The following RFX8 variants were observed in gnomAD, a reference collection of about 807,000 sequenced individuals.
RFX8 encodes the protein regulatory factor X8, also known as DNA-binding protein RFX8.
In RFX8, 46 loss-of-function variants were observed where a neutral mutation model predicts 54.6. The observed-to-expected ratio is 0.84, with a 90% CI of 0.67 to 1.08. The LOEUF (loss-of-function observed/expected upper bound fraction) is 1.08, where lower values mean the gene tolerates loss of function less well. Ranked by LOEUF, RFX8 falls within the 50% of genes least tolerant of loss-of-function variation. The pLI is 0.00. For missense variants in RFX8, 536 were observed against 562.3 expected (o/e 0.95, Z 0.47); for synonymous variants, 192 against 209.5 (o/e 0.92, Z 0.72).
intron 2 of RFX8, among the ~76,000 whole-genome samples, chr2:101,425,360 A>T (rs1349359778): frequency 6.6e-6 from 1 of 152,196 alleles, no homozygotes; most frequent in Non-Finnish European, 1.5e-5. Context: ...GCCTCTAGTG[A>T]ATCTGATGAG....
At chr2:101,403,309 C>A (rs1685552292) in intron 10 of RFX8, among the ~76,000 whole-genome samples, 1 of 152,170 alleles carries the variant, frequency 6.6e-6, no homozygotes, top group East Asian at 1.9e-4. Context: ...CAAGTGCTGT[C>A]ATCAGAGACA....
intron 2 of RFX8, among the ~76,000 whole-genome samples, chr2:101,459,182 G>A (rs1214236240): frequency 6.6e-6 from 1 of 152,140 alleles, no homozygotes; most frequent in African/African-American, 2.4e-5. Context: ...GGAGAAGTTT[G>A]TTATTACCGA....
At position 101,421,267 on chromosome 2, in the gene RFX8, C is replaced by T. The variant is rs1373526282; in HGVS notation, c.237+457G>A. The T allele has an allele frequency of 3.0e-6, 3 of 985,866 alleles. No individual in the cohort carries two copies. In the African/African-American group the frequency reaches 5.2e-5, roughly 17 times the overall value. The allele number at this position is 985,866 out of a possible 1,614,324, so 61.1% of individuals were successfully genotyped here. ...ACTCAGAATAGCTGAAAGATTTATT[C>T]ATGTTTTCCACAGCCAATTCTAGGA... On this transcript the variant is annotated intron_variant, in intron 4 of 11. Transcript: ENST00000428343.
chr2:101,465,417 C>A (rs975103089), intron 2 of RFX8, among the ~76,000 whole-genome samples: 1 of 151,990 alleles, frequency 6.6e-6, no homozygotes, highest in Non-Finnish European at 1.5e-5. Context: ...GACTGAGGCA[C>A]GGGAATCGCT....
At chr2:101,466,735 T>A in intron 2 of RFX8, 42 bp downstream of exon 2, 1 of 1,369,110 alleles carries the variant, frequency 7.3e-7, no homozygotes. Flanking sequence ...TTCCCTTTTT[T>A]GCACTCAGTG....
chr2:101,433,834 G>GT (rs1687625595), intron 2 of RFX8, among the ~76,000 whole-genome samples: 1 of 152,174 alleles, frequency 6.6e-6, no homozygotes, highest in Non-Finnish European at 1.5e-5. Flanking sequence ...GGTTCTCATC[G>GT]TAACTCTTCC....
intron 2 of RFX8, among the ~76,000 whole-genome samples, chr2:101,437,260 G>C (rs35507937): frequency 0.76 from 114,618 of 151,486 alleles, 44,283 homozygotes; most frequent in Middle Eastern, 0.88. Context: ...AACACAATAA[G>C]ACCCGTCTCT....
chr2:101,410,632 G>T lies in RFX8; in HGVS notation c.800C>A (p.Ala267Glu). 2 of 1,521,532 alleles carry T rather than the reference G, an allele frequency of 1.3e-6. No individual in the cohort carries two copies. Among genetic ancestry groups the T allele is most frequent in the South Asian group, 1.2e-5 (1 of 82,030 alleles). The allele number at this position is 1,521,532 out of a possible 1,614,324, so 94.3% of individuals were successfully genotyped here. A position where few individuals can be genotyped will look rare whatever the true frequency, so the allele number is the denominator to read the frequency against. Residue 267 changes from alanine (A) to glutamate (E), a missense_variant, in exon 9 of 12, where the codon GCA (alanine) becomes GAA (glutamate). Transcript: ENST00000428343. ...ACAGCTTCCTACCTGGAACACAAAT[G>T]CTTGGAGATGTGAAGACAGACAGCT... ...FLSCLSSHLQ[A>E]FVFQTSRSKE...
chr2:101,449,813 G>A (rs1399865544), intron 2 of RFX8, among the ~76,000 whole-genome samples: 4 of 152,076 alleles, frequency 2.6e-5, no homozygotes, highest in African/African-American at 4.8e-5. Flanking sequence ...GAGTAATGGC[G>A]ATTATCAAGA....
At chr2:101,411,723 A>G (rs1345819490) in intron 8 of RFX8, among the ~76,000 whole-genome samples, 2 of 152,162 alleles carry the variant, frequency 1.3e-5, no homozygotes, top group African/African-American at 2.4e-5. Context: ...AAAGTGCCCT[A>G]TGGGAGGATC....
intron 11 of RFX8, among the ~76,000 whole-genome samples, chr2:101,401,351 G>A (rs1223118929): frequency 6.6e-6 from 1 of 152,060 alleles, no homozygotes; most frequent in Non-Finnish European, 1.5e-5. Flanking sequence ...CTCTGCAATC[G>A]GAGAACTCGC....
Position 101,466,859 on chromosome 2 carries a change from G to A in RFX8, c.-11C>T, listed in dbSNP as rs1689601686. 1.3e-5 allele frequency: 20 copies of A among 1,548,804 alleles called. No individual in the cohort carries two copies. Among genetic ancestry groups the A allele is most frequent in the Non-Finnish European group, 1.7e-5 (20 of 1,144,316 alleles). ...GTAAATCTCATACATGAGACAGCGAGGGACGCTGCACTCTTCGCAAATGCA... is the reference window on the plus strand; with the variant it reads ...GTAAATCTCATACATGAGACAGCGAAGGACGCTGCACTCTTCGCAAATGCA... On this transcript the variant is annotated 5_prime_UTR_variant, in exon 2 of 12. Coordinates refer to ENST00000428343, the MANE Select transcript of RFX8 (RefSeq NM_001145664.2).
intron 1 of RFX8, chr2:101,474,303 G>A (rs957140547): frequency 2.5e-5 from 12 of 477,100 alleles, no homozygotes; most frequent in Admixed American, 4.4e-5. Context: ...GCAGCACCGA[G>A]GCAGGCAGCG....
At chr2:101,440,679 T>C (rs1688050108) in intron 2 of RFX8, among the ~76,000 whole-genome samples, 1 of 152,194 alleles carries the variant, frequency 6.6e-6, no homozygotes, top group African/African-American at 2.4e-5. Flanking sequence ...GTCATAAATC[T>C]TAGCCATGCG....
At chr2:101,457,431 G>C (rs993173117) in intron 2 of RFX8, among the ~76,000 whole-genome samples, 1 of 152,150 alleles carries the variant, frequency 6.6e-6, no homozygotes, top group African/African-American at 2.4e-5. Context: ...GTTTCAAAAA[G>C]AACATCTCTA....
At chr2:101,469,500 C>T (rs1689856536) in intron 1 of RFX8, among the ~76,000 whole-genome samples, 1 of 151,988 alleles carries the variant, frequency 6.6e-6, no homozygotes, top group Non-Finnish European at 1.5e-5. Context: ...GAAAAACTCA[C>T]TATTGGAAGT....
At chr2:101,470,747 T>G (rs1689935332) in intron 1 of RFX8, among the ~76,000 whole-genome samples, 3 of 128,860 alleles carry the variant, frequency 2.3e-5, no homozygotes, top group Admixed American at 1.8e-4. Context: ...TGAGATGGAG[T>G]CTCACTCTGT....
chr2:101,428,810 G>A, intron 2 of RFX8: 1 of 606,246 alleles, frequency 1.6e-6, no homozygotes, highest in East Asian at 2.8e-5. Flanking sequence ...TGGTGGCACT[G>A]AACATTCATG....
At chr2:101,452,515 T>C (rs1688739420) in intron 2 of RFX8, 2 of 652,412 alleles carry the variant, frequency 3.1e-6, no homozygotes, top group East Asian at 3.4e-5. Context: ...TTTTTTATCT[T>C]ACAATATTTA....
Sources: gnomAD v4.1 joint callset for allele counts (sites outside exome capture counted in the v4.1 genomes callset) on GRCh38, gnomAD v4.1.1 for gene constraint, MANE v1.5 for transcripts, NCBI Gene and HGNC (gene_info 2026-07-23, HGNC 2026-07-21) for gene names.